Variants in CNOT10 observed in about 807,000 individuals in gnomAD.
The protein encoded by CNOT10 is CCR4-NOT transcription complex, subunit 10.
In CNOT10, 30 loss-of-function variants were observed where a neutral mutation model predicts 94.6. The observed-to-expected ratio is 0.32, with a 90% CI of 0.24 to 0.43. The LOEUF (loss-of-function observed/expected upper bound fraction) is 0.43. Among genes scored for constraint, CNOT10 ranks in the 20% least tolerant of loss-of-function variants. The pLI, the probability that CNOT10 is intolerant of heterozygous loss-of-function variation, is 1.00. For synonymous variants in CNOT10, 289 were observed against 301.6 expected (o/e 0.96, Z 0.43); for missense variants, 759 against 877.2 (o/e 0.87, Z 1.70).
intron 3 of CNOT10, among the ~76,000 whole-genome samples, chr3:32,706,464 C>T (rs1316235159): frequency 1.3e-5 from 2 of 152,154 alleles, no homozygotes; most frequent in African/African-American, 4.8e-5. Flanking sequence ...AGTGTTTGTA[C>T]TTGTGGTTAC....
At chr3:32,740,053 T>C (rs1205227051) in intron 13 of CNOT10, among the ~76,000 whole-genome samples, 1 of 152,190 alleles carries the variant, frequency 6.6e-6, no homozygotes, top group African/African-American at 2.4e-5. Context: ...GCTGTGATTG[T>C]ACCATCAAAC....
intron 1 of CNOT10, among the ~76,000 whole-genome samples, chr3:32,694,067 A>G (rs1177021580): frequency 6.6e-6 from 1 of 151,858 alleles, no homozygotes; most frequent in Non-Finnish European, 1.5e-5. Context: ...TTTTAAGTCT[A>G]GCAATTATAC....
chr3:32,697,362 C>T (rs530782766), intron 1 of CNOT10, among the ~76,000 whole-genome samples: 3 of 152,296 alleles, frequency 2.0e-5, no homozygotes, highest in Non-Finnish European at 4.4e-5. Context: ...GTTGGGTTTT[C>T]CCCTTTGCCC....
chr3:32,735,523 A>G (rs181409448), intron 12 of CNOT10, among the ~76,000 whole-genome samples: 58 of 152,232 alleles, frequency 3.8e-4, no homozygotes, highest in Admixed American at 3.2e-3. Flanking sequence ...GCTGGCCAAC[A>G]TGGTGAAACC....
At chr3:32,736,644 A>G (rs1699201101) in intron 12 of CNOT10, among the ~76,000 whole-genome samples, 1 of 152,074 alleles carries the variant, frequency 6.6e-6, no homozygotes, top group Admixed American at 6.6e-5. Context: ...GTGTGGTGCC[A>G]GGCACCATTA....
In CNOT10 at chr3:32,716,235, A is replaced by G; in HGVS notation, c.584A>G (p.Asn195Ser). ...TTCATCACCCTACAGACTGGTAATA[A>G]CAACAACAAAGATGGATCTAATCAT... is the stretch of plus-strand genomic sequence containing the variant. ...NKNGKNETGN[N>S]NNKDGSNHKA... The change falls in exon 6 of 19, where the codon AAC (asparagine) becomes AGC (serine). Residue 195 changes from asparagine (N) to serine (S), a missense_variant. By Grantham distance (46) the Asn-to-Ser change is conservative. Around this residue, in one of 3 missense-constraint regions of CNOT10, gnomAD observed 682 missense variants for 799.4 expected, o/e 0.85. Coordinates refer to ENST00000328834, the MANE Select transcript of CNOT10 (RefSeq NM_015442.3). 1.3e-6 allele frequency: 2 copies of G among 1,583,486 alleles called. No individual in the cohort carries two copies. The highest frequency in any genetic ancestry group is 1.7e-6 in the Non-Finnish European group (2 of 1,162,532).
intron 13 of CNOT10, among the ~76,000 whole-genome samples, chr3:32,738,590 G>A (rs145862784): frequency 0.085 from 12,927 of 151,520 alleles, 665 homozygotes; most frequent in Middle Eastern, 0.18. Flanking sequence ...AACCTCCCGA[G>A]TAGCTGGGAC....
chr3:32,720,184 T>C lies in CNOT10; in HGVS notation c.815T>C (p.Leu272Pro). The change falls in exon 8 of 19, where the codon CTA becomes CCA. Residue 272 changes from leucine (L) to proline (P), a missense_variant. Physicochemically the swap from Leu to Pro is moderately conservative, Grantham distance 98 (BLOSUM62 -3). Transcript: ENST00000328834. ...LRGNYRKAVK[L>P]LNSSNIAEHP... is the part of the protein sequence containing the mutation. ...GGTAATTATCGAAAAGCCGTGAAGC[T>C]ATTAAATAGTTCAAACATTGCTGAG... 1 of 1,550,388 alleles carries C rather than the reference T, an allele frequency of 6.4e-7. No homozygotes were observed. The highest frequency in any genetic ancestry group is 8.8e-7 in the Non-Finnish European group (1 of 1,134,994).
At chr3:32,758,768 A>C (rs1181550948) in intron 13 of CNOT10, among the ~76,000 whole-genome samples, 1 of 152,224 alleles carries the variant, frequency 6.6e-6, no homozygotes, top group Non-Finnish European at 1.5e-5. Context: ...GTGAAGTAGA[A>C]AACCAAATAT....
chr3:32,721,390 AC>A (rs139117753), intron 8 of CNOT10, among the ~76,000 whole-genome samples: 2,671 of 123,964 alleles, frequency 0.022, 42 homozygotes, highest in East Asian at 0.06. Context: ...AGATCCTTGG[AC>A]TTTTGCTTTG....
chr3:32,763,049 C>T (rs1468970967), intron 15 of CNOT10, among the ~76,000 whole-genome samples, 186 bp downstream of exon 15: 1 of 152,200 alleles, frequency 6.6e-6, no homozygotes, highest in Non-Finnish European at 1.5e-5. Flanking sequence ...TTAATGATCA[C>T]ATCATCTAAA....
At chr3:32,764,370 C>A in intron 15 of CNOT10, 85 bp from the exon 16 acceptor site, 3 of 1,331,122 alleles carry the variant, frequency 2.3e-6, no homozygotes, top group Non-Finnish European at 3.2e-6. Context: ...AGAAAATATG[C>A]CCTCTACCTT....
At chr3:32,717,044 A>C (rs1445591198) in intron 6 of CNOT10, 110 bp from the exon 7 acceptor site, 1 of 571,846 alleles carries the variant, frequency 1.7e-6, no homozygotes, top group African/African-American at 1.9e-5. Flanking sequence ...TTGATTTAGC[A>C]AGTAATTAGT....
At chr3:32,726,552 C>G (rs192121474) in intron 9 of CNOT10, among the ~76,000 whole-genome samples, 1 of 151,538 alleles carries the variant, frequency 6.6e-6, no homozygotes, top group South Asian at 2.1e-4. Flanking sequence ...AAAAATTAGC[C>G]GAGCATGGTG....
At chr3:32,749,177 T>G (rs1699849584) in intron 13 of CNOT10, among the ~76,000 whole-genome samples, 1 of 149,240 alleles carries the variant, frequency 6.7e-6, no homozygotes, top group African/African-American at 2.5e-5. Context: ...TGTAGTTATT[T>G]TCTCACATTC....
intron 1 of CNOT10, among the ~76,000 whole-genome samples, chr3:32,698,101 A>G (rs1187650124): frequency 1.3e-5 from 2 of 152,188 alleles, no homozygotes; most frequent in Non-Finnish European, 2.9e-5. Context: ...TGCAAAACAC[A>G]TGTATTGGAT....
chr3:32,755,407 C>T (rs1700187467), intron 13 of CNOT10, among the ~76,000 whole-genome samples: 4 of 149,312 alleles, frequency 2.7e-5, no homozygotes, highest in Admixed American at 2.7e-4. Context: ...CAACCTTTGC[C>T]TCCCAGGTTC....
intron 10 of CNOT10, among the ~76,000 whole-genome samples, chr3:32,732,980 A>G (rs139451424): frequency 0.012 from 1,842 of 152,272 alleles, 11 homozygotes; most frequent in Middle Eastern, 0.02. Context: ...ATTGTTGACA[A>G]TGTAATTAAT....
intron 1 of CNOT10, among the ~76,000 whole-genome samples, chr3:32,690,280 G>T (rs1179130264): frequency 6.6e-6 from 1 of 152,134 alleles, no homozygotes; most frequent in Non-Finnish European, 1.5e-5. Context: ...TTTTTTTTAA[G>T]CTTCAGCTTT....
Sources: gnomAD v4.1 joint callset for allele counts (sites outside exome capture counted in the v4.1 genomes callset) on GRCh38, gnomAD v4.1.1 for gene constraint, gnomAD v4.1.1 regional missense constraint, MANE v1.5 for transcripts, NCBI Gene and HGNC (gene_info 2026-07-23, HGNC 2026-07-21) for gene names.